The following KHDRBS2 variants were observed in gnomAD, a reference collection of about 807,000 sequenced individuals.
KHDRBS2 encodes the protein KH RNA binding domain containing, signal transduction associated 2.
A neutral mutation model predicts 44.3 loss-of-function variants in KHDRBS2; 26 were observed. That is an observed-to-expected ratio of 0.59 (90% CI 0.43 to 0.81). KHDRBS2 has a LOEUF of 0.81. Among genes scored for constraint, KHDRBS2 ranks in the 40% least tolerant of loss-of-function variants. The pLI, the probability that KHDRBS2 is intolerant of heterozygous loss-of-function variation, is 0.00. For synonymous variants in KHDRBS2, 194 were observed against 151.1 expected (o/e 1.28, Z -2.08); for missense variants, 476 against 433.1 (o/e 1.10, Z -0.88).
intron 6 of KHDRBS2, among the ~76,000 whole-genome samples, chr6:61,790,441 G>C (rs1784456699): frequency 6.7e-6 from 1 of 149,742 alleles, no homozygotes; most frequent in Non-Finnish European, 1.5e-5. Context: ...GCAGACAACA[G>C]CAGCCTGAAC....
chr6:61,689,264 T>C (rs139083977), intron 8 of KHDRBS2, among the ~76,000 whole-genome samples: 1 of 152,072 alleles, frequency 6.6e-6, no homozygotes, highest in Non-Finnish European at 1.5e-5. Flanking sequence ...CTGGTTTTGA[T>C]TTGTACCCTT....
chr6:61,957,390 T>C (rs1767617337), intron 4 of KHDRBS2, among the ~76,000 whole-genome samples: 1 of 152,204 alleles, frequency 6.6e-6, no homozygotes, highest in African/African-American at 2.4e-5. Flanking sequence ...AACAGAGCCA[T>C]ATTTCTCTTC....
the KHDRBS2 span, among the ~76,000 whole-genome samples, chr6:61,552,825 AC>A: frequency 3.9e-5 from 6 of 152,116 alleles, no homozygotes; most frequent in African/African-American, 1.4e-4. Flanking sequence ...TGTTGAAACA[AC>A]CTTGCATCCC....
intron 6 of KHDRBS2, among the ~76,000 whole-genome samples, chr6:61,755,323 A>T (rs1435892028): frequency 1.3e-5 from 2 of 152,132 alleles, no homozygotes; most frequent in African/African-American, 4.8e-5. Flanking sequence ...TCTTCAAGTT[A>T]TAGAGATAAA....
Position 61,848,559 on chromosome 6 carries a change from ATATG to A in KHDRBS2, c.810+46072_810+46075del, listed in dbSNP as rs1188793254. Among the ~76,000 whole-genome samples the A allele has an allele frequency of 2.5e-4, 8 of 31,968 alleles. 1 individual carries two copies. The East Asian group carries it at 3.2e-3, about 13-fold the overall frequency. 21.0% of individuals were successfully genotyped at this position (31,968 alleles called of 152,430 possible). On this transcript the variant is annotated intron_variant, in intron 6 of 8. Coordinates refer to ENST00000281156, the MANE Select transcript of KHDRBS2 (RefSeq NM_152688.4). ...TATATATGTATATATATACATATAT[ATATG>A]TATATATATATACATATATATATAT...
intron 1 of KHDRBS2, among the ~76,000 whole-genome samples, chr6:62,221,592 A>T (rs901961970): frequency 6.6e-6 from 1 of 152,166 alleles, no homozygotes; most frequent in Admixed American, 6.6e-5. Flanking sequence ...TAAAAAGAAC[A>T]TAAAACTGTA....
chr6:62,032,347 G>A (rs1784488926), intron 3 of KHDRBS2, among the ~76,000 whole-genome samples: 1 of 151,816 alleles, frequency 6.6e-6, no homozygotes, highest in African/African-American at 2.4e-5. Flanking sequence ...AAGAGAGATT[G>A]GCCTAGTCTC....
At chr6:61,850,604 T>A (rs1463569968) in intron 6 of KHDRBS2, among the ~76,000 whole-genome samples, 1 of 152,176 alleles carries the variant, frequency 6.6e-6, no homozygotes, top group Non-Finnish European at 1.5e-5. Context: ...AGGTCAATCA[T>A]GAAGGTCATT....
At chr6:62,209,189 G>A (rs1276626174) in intron 1 of KHDRBS2, among the ~76,000 whole-genome samples, 7 of 152,186 alleles carry the variant, frequency 4.6e-5, no homozygotes, top group Non-Finnish European at 8.8e-5. Context: ...GGGAACTGTA[G>A]TTTTGACAGC....
chr6:61,708,518 G>T (rs995956906), intron 7 of KHDRBS2, among the ~76,000 whole-genome samples: 2 of 151,214 alleles, frequency 1.3e-5, no homozygotes, highest in African/African-American at 4.8e-5. Flanking sequence ...ATTCCATTAA[G>T]ATTAAATAAT....
chr6:61,616,936 T>TTAA, the KHDRBS2 span, among the ~76,000 whole-genome samples: 1 of 152,202 alleles, frequency 6.6e-6, no homozygotes, highest in African/African-American at 2.4e-5. Flanking sequence ...GATGACTACT[T>TTAA]TAATTCTCAG....
chr6:61,976,842 G>A (rs1772777692), intron 4 of KHDRBS2, among the ~76,000 whole-genome samples: 1 of 152,106 alleles, frequency 6.6e-6, no homozygotes, highest in South Asian at 2.1e-4. Context: ...TAGGCATTTA[G>A]TTTGGAGGCA....
intron 1 of KHDRBS2, among the ~76,000 whole-genome samples, chr6:62,269,015 T>C (rs1164851804): frequency 6.6e-6 from 1 of 152,060 alleles, no homozygotes; most frequent in African/African-American, 2.4e-5. Flanking sequence ...CAGAGAAAAT[T>C]TTTTTCAGCA....
chr6:62,264,008 G>A (rs1266523390), intron 1 of KHDRBS2, among the ~76,000 whole-genome samples: 1 of 151,664 alleles, frequency 6.6e-6, no homozygotes, highest in Non-Finnish European at 1.5e-5. Flanking sequence ...CAGGTACACG[G>A]TTTTGCACAA....
At chr6:62,171,159 T>C (rs1585048763) in intron 2 of KHDRBS2, among the ~76,000 whole-genome samples, 1 of 151,996 alleles carries the variant, frequency 6.6e-6, no homozygotes, top group African/African-American at 2.4e-5. Flanking sequence ...ATTCAGGGTA[T>C]GGATAGGAAT....
At chr6:61,579,524 G>T in the KHDRBS2 span, among the ~76,000 whole-genome samples, 1 of 152,154 alleles carries the variant, frequency 6.6e-6, no homozygotes, top group Non-Finnish European at 1.5e-5. Context: ...ATGCAGAAGA[G>T]ATAGAGTGAT....
intron 6 of KHDRBS2, among the ~76,000 whole-genome samples, chr6:61,752,671 C>CA (rs56410130): frequency 0.19 from 21,416 of 110,464 alleles, 2,852 homozygotes; most frequent in African/African-American, 0.3. Flanking sequence ...TTGTGGTATA[C>CA]AAAAAAAAAA....
chr6:61,716,742 T>A (rs1217576503), intron 7 of KHDRBS2, among the ~76,000 whole-genome samples: 1 of 152,002 alleles, frequency 6.6e-6, no homozygotes, highest in Non-Finnish European at 1.5e-5. Flanking sequence ...TATGTTAAAC[T>A]TTTTTGTGTG....
chr6:62,197,479 G>A (rs1825939263), intron 1 of KHDRBS2, among the ~76,000 whole-genome samples: 1 of 152,050 alleles, frequency 6.6e-6, no homozygotes, highest in African/African-American at 2.4e-5. Context: ...TATGGATAAT[G>A]GGTCTTGAAG....
Sources: gnomAD v4.1 joint callset for allele counts (sites outside exome capture counted in the v4.1 genomes callset) on GRCh38, gnomAD v4.1.1 for gene constraint, MANE v1.5 for transcripts, NCBI Gene and HGNC (gene_info 2026-07-23, HGNC 2026-07-21) for gene names.